MET: variants seen among roughly 807,000 people sequenced by gnomAD.
MET encodes MET proto-oncogene, receptor tyrosine kinase.
In MET, 48 loss-of-function variants were observed where a neutral mutation model predicts 133.1. That is an observed-to-expected ratio of 0.36 (90% CI 0.29 to 0.46). The LOEUF is 0.46. Among genes scored for constraint, MET ranks in the 20% least tolerant of loss-of-function variants. The pLI is 1.00. For missense variants in MET, 1,442 were observed against 1,695.9 expected, an observed-to-expected ratio of 0.85 and a Z score of 2.63; for synonymous variants, 628 against 616.5, an observed-to-expected ratio of 1.02 and a Z score of -0.28.
At chr7:116,697,238 A>G (rs911233995) in intron 1 of MET, among the ~76,000 whole-genome samples, 1 of 152,170 alleles carries the variant, frequency 6.6e-6, no homozygotes, top group African/African-American at 2.4e-5. Flanking sequence ...TGTTTGATAT[A>G]TTAGGGTATC....
intron 5 of MET, among the ~76,000 whole-genome samples, chr7:116,750,516 T>A (rs903983996): frequency 1.3e-5 from 2 of 152,096 alleles, no homozygotes; most frequent in African/African-American, 4.8e-5. Flanking sequence ...TCAGGACATA[T>A]GCATGGGCAA....
At chr7:116,724,652 T>C in intron 2 of MET, 1 of 452,082 alleles carries the variant, frequency 2.2e-6, no homozygotes. Flanking sequence ...AGCAGACTGA[T>C]AACAGTTTTT....
At chr7:116,703,204 C>T (rs1791644844) in intron 2 of MET, among the ~76,000 whole-genome samples, 1 of 152,154 alleles carries the variant, frequency 6.6e-6, no homozygotes, top group African/African-American at 2.4e-5. Context: ...GTGTTGTTGA[C>T]TATGTCAGTT....
chr7:116,740,144 A>G, intron 4 of MET, 60 bp downstream of exon 4: 1 of 1,594,878 alleles, frequency 6.3e-7, no homozygotes, highest in Non-Finnish European at 8.6e-7. Context: ...CATATTTACA[A>G]CCAGTGTCAC....
intron 5 of MET, among the ~76,000 whole-genome samples, chr7:116,753,537 C>T (rs1327584450): frequency 1.3e-5 from 2 of 152,116 alleles, no homozygotes; most frequent in African/African-American, 2.4e-5. Context: ...CCATTGATAA[C>T]ATACCAGAAA....
At chr7:116,754,939 GAA>G (rs1554394720) in intron 5 of MET, among the ~76,000 whole-genome samples, 46 of 122,660 alleles carry the variant, frequency 3.8e-4, no homozygotes, top group African/African-American at 7.7e-4. Flanking sequence ...AAGAAAGAAA[GAA>G]AGAAAGAAAG....
intron 8 of MET, 27 bp from the exon 9 acceptor site, chr7:116,758,432 T>G (rs756610496): frequency 6.2e-7 from 1 of 1,607,318 alleles, no homozygotes; most frequent in Non-Finnish European, 8.5e-7. Context: ...ATAGCTAAAA[T>G]TCACTTCCTT....
intron 1 of MET, among the ~76,000 whole-genome samples, chr7:116,685,448 C>T (rs751232626): frequency 2.0e-5 from 3 of 152,036 alleles, no homozygotes; most frequent in Non-Finnish European, 4.4e-5. Flanking sequence ...GAGGCTGAGG[C>T]GGGTGGATAG....
intron 5 of MET, among the ~76,000 whole-genome samples, chr7:116,752,133 C>T (rs1793947040): frequency 6.6e-6 from 1 of 152,094 alleles, no homozygotes; most frequent in Non-Finnish European, 1.5e-5. Flanking sequence ...GATCAGAATA[C>T]TCAGAAAAGC....
chr7:116,713,097 A>G (rs988849951), intron 2 of MET, among the ~76,000 whole-genome samples: 2 of 152,164 alleles, frequency 1.3e-5, no homozygotes, highest in Admixed American at 6.5e-5. Flanking sequence ...AAAATGATAT[A>G]TGGGTTAAGG....
At chr7:116,726,441 C>G (rs909379316) in intron 2 of MET, among the ~76,000 whole-genome samples, 9 of 151,720 alleles carry the variant, frequency 5.9e-5, no homozygotes, top group Admixed American at 5.9e-4. Flanking sequence ...CTTCCTGCAG[C>G]CTTATAGTGT....
Position 116,763,152 on chromosome 7 carries a change from T to G in MET, c.2467T>G (p.Leu823Val). The G allele has an allele frequency of 6.2e-7, 1 of 1,614,046 alleles. No individual in the cohort carries two copies. ...CCTGAAAACCAAAGCCTTTTTCATG[T>G]TAGATGGGATCCTTTCCAAATACTT... ...LPLKTKAFFM[L>V]DGILSKYFDL... Residue 823 changes from leucine to valine, a missense_variant, in exon 11 of 21, where the codon TTA becomes GTA. Transcript: ENST00000397752.
intron 19 of MET, among the ~76,000 whole-genome samples, chr7:116,784,139 C>A (rs183685952): frequency 3.7e-4 from 57 of 152,250 alleles, no homozygotes; most frequent in Non-Finnish European, 6.8e-4. Flanking sequence ...GGCAGAAGAG[C>A]AGGAAAGTAT....
At chr7:116,750,516 T>C (rs903983996) in intron 5 of MET, among the ~76,000 whole-genome samples, 2 of 152,096 alleles carry the variant, frequency 1.3e-5, no homozygotes, top group South Asian at 4.1e-4. Context: ...TCAGGACATA[T>C]GCATGGGCAA....
chr7:116,729,130 A>T (rs533222301), intron 2 of MET, among the ~76,000 whole-genome samples: 8 of 152,372 alleles, frequency 5.3e-5, no homozygotes, highest in Non-Finnish European at 7.3e-5. Flanking sequence ...ATCGGTTGCT[A>T]TCGAATTGCT....
In MET at chr7:116,796,056, T is replaced by C. The variant is rs45575438; in HGVS notation, c.4105T>C (p.Leu1369=). 2.0e-4 allele frequency: 324 copies of C among 1,614,044 alleles called. 1 individual carries two copies. The East Asian group carries it at 5.7e-3, about 29-fold the overall frequency. The stretch of plus-strand genomic sequence containing the variant: ...ATGTGTCGCTCCGTATCCTTCTCTG[T>C]TGTCATCAGAAGATAACGCTGATGA... ...VKCVAPYPSL[L]SSEDNADDEV... Residue 1369 remains leucine, a synonymous_variant, in exon 21 of 21, where the codon TTG becomes CTG. Coordinates refer to ENST00000397752, the MANE Select transcript of MET (RefSeq NM_000245.4).
chr7:116,726,377 T>C (rs1792786297), intron 2 of MET, among the ~76,000 whole-genome samples: 2 of 151,140 alleles, frequency 1.3e-5, no homozygotes, highest in Admixed American at 1.3e-4. Context: ...AAATATTCTT[T>C]ATTGGATGCA....
At chr7:116,734,235 C>T (rs1793129542) in intron 3 of MET, among the ~76,000 whole-genome samples, 1 of 152,004 alleles carries the variant, frequency 6.6e-6, no homozygotes, top group Non-Finnish European at 1.5e-5. Flanking sequence ...TTTTTTTTCC[C>T]CCCAAAGACA....
chr7:116,731,644 C>T lies in MET; in HGVS notation c.1201-24C>T, dbSNP rs774832964. Reference sequence around the variant, plus strand: ...TTGTTCATGTCTGGATTCACATTAACTCTATGACCATATTTTATTCCAGAC... The same window carrying T: ...TTGTTCATGTCTGGATTCACATTAATTCTATGACCATATTTTATTCCAGAC... On this transcript the variant is annotated intron_variant, in intron 2 of 20. Coordinates refer to ENST00000397752, the MANE Select transcript of MET (RefSeq NM_000245.4). 33 of 1,612,814 alleles carry T rather than the reference C, an allele frequency of 2.0e-5. No individual in the cohort carries two copies. The East Asian group carries it at 6.9e-4, about 34-fold the overall frequency.
Sources: allele counts gnomAD v4.1 joint callset (sites outside exome capture counted in the v4.1 genomes callset), GRCh38; gene constraint gnomAD v4.1.1; transcripts MANE v1.5; gene names NCBI Gene and HGNC (gene_info 2026-07-23, HGNC 2026-07-21).